The following NUP35 variants were observed in gnomAD, a reference collection of about 807,000 sequenced individuals.
NUP35 encodes the protein nucleoporin 35.
In NUP35, 25 loss-of-function variants were observed where a neutral mutation model predicts 41.5. That is an observed-to-expected ratio of 0.60 (90% CI 0.44 to 0.84). The LOEUF is 0.84. NUP35 is among the 40% of genes least tolerant of loss of function. NUP35 has a pLI of 0.00. For missense variants in NUP35, 396 were observed against 396.6 expected (o/e 1.00, Z 0.01); for synonymous variants, 149 against 130.7 (o/e 1.14, Z -0.96).
intron 4 of NUP35, among the ~76,000 whole-genome samples, chr2:183,138,267 A>ATTTT (rs1314190972): frequency 1.4e-3 from 104 of 74,034 alleles, no homozygotes; most frequent in East Asian, 2.6e-3. Context: ...ATATATATAT[A>ATTTT]TATTTTTTTT....
chr2:183,118,264 T>G (rs986868159), intron 1 of NUP35: 2 of 152,188 alleles, frequency 1.3e-5, no homozygotes, highest in Non-Finnish European at 2.9e-5. Flanking sequence ...AAAAGTATTG[T>G]AATCAAGATA....
chr2:183,159,825 A>C (rs891362942), intron 8 of NUP35, 173 bp downstream of exon 8: 3 of 492,376 alleles, frequency 6.1e-6, no homozygotes, highest in Non-Finnish European at 1.0e-5. Flanking sequence ...CATCTTGGCC[A>C]ATTGGAAAGT....
chr2:183,142,780 A>G (rs1685143222), intron 4 of NUP35, among the ~76,000 whole-genome samples: 2 of 151,066 alleles, frequency 1.3e-5, no homozygotes, highest in South Asian at 4.3e-4. Flanking sequence ...ATGCCCCACC[A>G]TCTCAGTTTT....
At chr2:183,134,423 G>A (rs758261496) in intron 4 of NUP35, among the ~76,000 whole-genome samples, 2 of 152,204 alleles carry the variant, frequency 1.3e-5, no homozygotes, top group African/African-American at 2.4e-5. Context: ...GAGACTTAGA[G>A]TTTTAAATAG....
chr2:183,156,733 A>G (rs1323442610), intron 5 of NUP35, among the ~76,000 whole-genome samples: 2 of 151,974 alleles, frequency 1.3e-5, no homozygotes, highest in African/African-American at 4.8e-5. Context: ...CAGTCTTCAG[A>G]TAACTGAAGT....
Position 183,157,519 on chromosome 2 carries a change from G to C in NUP35, c.609+6G>C, listed in dbSNP as rs1015503381. The C allele has an allele frequency of 1.3e-6, 2 of 1,591,462 alleles. No individual in the cohort carries two copies. Among genetic ancestry groups the C allele is most frequent in the Non-Finnish European group, 1.7e-6 (2 of 1,160,502 alleles). ...GGAATATCTTAAAACATGTGGTAAGGCTTAATTTTTTTCAGTTCAGAGTTT... is the reference window on the plus strand; with the variant it reads ...GGAATATCTTAAAACATGTGGTAAGCCTTAATTTTTTTCAGTTCAGAGTTT... On this transcript the variant is annotated splice_donor_region_variant and intron_variant, in intron 6 of 8. Coordinates refer to ENST00000295119, the MANE Select transcript of NUP35 (RefSeq NM_138285.5).
At chr2:183,124,580 C>G in intron 1 of NUP35, 83 bp downstream of exon 1, 1 of 1,551,078 alleles carries the variant, frequency 6.4e-7, no homozygotes, top group Non-Finnish European at 8.9e-7. Context: ...AGGCAGTCGT[C>G]AGGCTCTCGT....
At chr2:183,144,298 T>C (rs1366610758) in intron 4 of NUP35, among the ~76,000 whole-genome samples, 3 of 152,214 alleles carry the variant, frequency 2.0e-5, no homozygotes, top group African/African-American at 7.2e-5. Flanking sequence ...ACAGTTTTTA[T>C]TGGAGTTTCA....
At chr2:183,120,755 C>T (rs1300753581), upstream of NUP35, among the ~76,000 whole-genome samples, 3 of 152,078 alleles carry the variant, frequency 2.0e-5, no homozygotes, top group South Asian at 2.1e-4. Flanking sequence ...AATTGAGGTT[C>T]GTCTGACTCT....
At chr2:183,131,665 C>T (rs1244846216) in intron 3 of NUP35, among the ~76,000 whole-genome samples, 5 of 152,142 alleles carry the variant, frequency 3.3e-5, no homozygotes, top group African/African-American at 4.8e-5. Context: ...TATTGAGATA[C>T]ACTTTAAGTA....
In NUP35 at chr2:183,148,006, A is replaced by G. The variant is rs115760298; in HGVS notation, c.398-3502A>G. On this transcript the variant is annotated intron_variant, in intron 4 of 8. Coordinates refer to ENST00000295119, the MANE Select transcript of NUP35 (RefSeq NM_138285.5). ...AATGTTATTGGTGTATAGAAATGCT[A>G]CTGATTTTTGTGAATACTTTTTTAA... 8.6e-3 allele frequency among the ~76,000 whole-genome samples: 1,310 copies of G among 151,900 alleles called. 18 individuals are homozygous for G. Among genetic ancestry groups the G allele is most frequent in the African/African-American group, 0.03 (1,232 of 41,406 alleles).
intron 5 of NUP35, among the ~76,000 whole-genome samples, chr2:183,152,130 C>CACACAT (rs1685489928): frequency 9.5e-6 from 1 of 105,196 alleles, no homozygotes; most frequent in Admixed American, 8.1e-5. Context: ...CACACACACA[C>CACACAT]ACACACACAC....
chr2:183,148,536 T>G (rs893374709), intron 4 of NUP35, among the ~76,000 whole-genome samples: 3 of 152,218 alleles, frequency 2.0e-5, no homozygotes, highest in African/African-American at 7.2e-5. Flanking sequence ...GAATTGCATT[T>G]CTCTGATGAT....
chr2:183,134,192 T>C (rs547546324), intron 4 of NUP35, among the ~76,000 whole-genome samples: 1 of 152,374 alleles, frequency 6.6e-6, no homozygotes, highest in Non-Finnish European at 1.5e-5. Flanking sequence ...TATGTCGTCA[T>C]ATGTGTATAA....
chr2:183,147,155 C>T (rs931604049), intron 4 of NUP35, among the ~76,000 whole-genome samples: 3 of 151,914 alleles, frequency 2.0e-5, no homozygotes, highest in Non-Finnish European at 2.9e-5. Context: ...TGTAGGTTGT[C>T]GATTTATTCT....
rs115817474 is a variant in NUP35 at position 183,134,466 on chromosome 2, C to G, written c.397+843C>G. Among the ~76,000 whole-genome samples the G allele has an allele frequency of 2.4e-3, 363 of 151,996 alleles. 3 individuals carry two copies. Among genetic ancestry groups the G allele is most frequent in the African/African-American group, 8.4e-3 (347 of 41,488 alleles). On this transcript the variant is annotated intron_variant, in intron 4 of 8. Transcript: ENST00000295119. ...TATTAGTTTTCTGTTGCTGCCATAA[C>G]AAACTACCACAAACATAAAAGTGGC...
intron 1 of NUP35, 125 bp downstream of exon 1, chr2:183,124,622 T>G (rs1700123006): frequency 7.9e-7 from 1 of 1,259,858 alleles, no homozygotes; most frequent in Admixed American, 1.8e-5. Context: ...AGGGAATCCT[T>G]GGGTGCCCCC....
intron 3 of NUP35, among the ~76,000 whole-genome samples, chr2:183,133,113 G>C (rs887331600): frequency 3.3e-5 from 5 of 152,020 alleles, no homozygotes; most frequent in African/African-American, 1.2e-4. Context: ...GTAGTGGTAG[G>C]GATATGCTGT....
At chr2:183,158,061 G>A (rs1575138845) in intron 6 of NUP35, among the ~76,000 whole-genome samples, 1 of 152,194 alleles carries the variant, frequency 6.6e-6, no homozygotes, top group Middle Eastern at 3.4e-3. Context: ...ATTTTGAGAA[G>A]TATCTTACTT....
Sources: gnomAD v4.1 joint callset for allele counts (sites outside exome capture counted in the v4.1 genomes callset) on GRCh38, gnomAD v4.1.1 for gene constraint, MANE v1.5 for transcripts, NCBI Gene and HGNC (gene_info 2026-07-23, HGNC 2026-07-21) for gene names.